The following RBFOX1 variants were observed in gnomAD, a reference collection of about 807,000 sequenced individuals.
RBFOX1 encodes the protein RNA binding fox-1 homolog 1, also known as RNA binding protein fox-1 homolog 1.
In RBFOX1, 8 loss-of-function variants were observed where a neutral mutation model predicts 57.7. The ratio of observed to expected loss-of-function variants is 0.14; its 90% CI spans 0.08 to 0.25. The LOEUF (loss-of-function observed/expected upper bound fraction) is 0.25. Among genes scored for constraint, RBFOX1 ranks in the 10% least tolerant of loss-of-function variants. The pLI, the probability that RBFOX1 is intolerant of heterozygous loss-of-function variation, is 1.00. For missense variants in RBFOX1, 611 were observed against 548.5 expected (o/e 1.11, Z -1.14); for synonymous variants, 326 against 222.4 (o/e 1.47, Z -4.15).
intron 4 of RBFOX1, among the ~76,000 whole-genome samples, chr16:5,921,958 C>G (rs2058832647): frequency 6.6e-6 from 1 of 150,912 alleles, no homozygotes; most frequent in African/African-American, 2.4e-5. Context: ...TTGCGACTAG[C>G]ATGAGCAACA....
intron 1 of RBFOX1, among the ~76,000 whole-genome samples, chr16:6,152,526 C>G (rs910528369): frequency 1.3e-5 from 2 of 152,172 alleles, no homozygotes; most frequent in African/African-American, 4.8e-5. Flanking sequence ...AATTTAGAGG[C>G]CCCACTGGAG....
At chr16:5,273,771 G>C (rs1353913824) in intron 1 of RBFOX1, among the ~76,000 whole-genome samples, 1 of 152,144 alleles carries the variant, frequency 6.6e-6, no homozygotes, top group Non-Finnish European at 1.5e-5. Flanking sequence ...GCCCAAAAAA[G>C]GCTGATGGAT....
intron 3 of RBFOX1, among the ~76,000 whole-genome samples, chr16:6,947,742 C>G (rs932126078): frequency 1.4e-4 from 21 of 152,126 alleles, no homozygotes; most frequent in African/African-American, 1.4e-4. Context: ...AGGTGGCTTT[C>G]TTTTTTAGCT....
intron 3 of RBFOX1, among the ~76,000 whole-genome samples, chr16:6,847,907 G>C (rs1269559248): frequency 6.6e-6 from 1 of 151,882 alleles, no homozygotes; most frequent in Non-Finnish European, 1.5e-5. Context: ...GCACAATCTT[G>C]GCTCACTGCA....
In RBFOX1 at chr16:7,666,086, T is replaced by G. The variant is rs767555003; in HGVS notation, c.930+1118T>G. Reference sequence around the variant, plus strand: ...CAATTTTCTTCTTTTTTGTGGAACTTAAGCTTTTCTGTCTCATGTCCTCTT... The same window carrying G: ...CAATTTTCTTCTTTTTTGTGGAACTGAAGCTTTTCTGTCTCATGTCCTCTT... On this transcript the variant is annotated intron_variant, in intron 13 of 15. Coordinates refer to ENST00000550418, the MANE Select transcript of RBFOX1 (RefSeq NM_018723.4). Among the ~76,000 whole-genome samples, 7 of 152,314 alleles carry G rather than the reference T, an allele frequency of 4.6e-5. 1 individual carries two copies. The highest frequency in any genetic ancestry group is 3.4e-3 in the Middle Eastern group (1 of 294).
In RBFOX1 at chr16:7,557,527, G is replaced by A. The variant is rs184471917; in HGVS notation, c.271-22250G>A. Among the ~76,000 whole-genome samples the A allele has an allele frequency of 2.0e-5, 3 of 148,936 alleles. No individual in the cohort carries two copies. The Admixed American group carries it at 2.0e-4, about 10-fold the overall frequency. ...CCCACCTACTCGAGAGGCTGAGGCAGGAGAGTCACTTGAACCTGGGAGGCA... is the reference window on the plus strand; with the variant it reads ...CCCACCTACTCGAGAGGCTGAGGCAAGAGAGTCACTTGAACCTGGGAGGCA... On this transcript the variant is annotated intron_variant, in intron 5 of 15. Coordinates refer to ENST00000550418, the MANE Select transcript of RBFOX1 (RefSeq NM_018723.4).
intron 4 of RBFOX1, among the ~76,000 whole-genome samples, chr16:7,352,668 C>G (rs1184546678): frequency 1.3e-5 from 2 of 152,070 alleles, no homozygotes; most frequent in African/African-American, 4.8e-5. Flanking sequence ...GAAGGATGCA[C>G]TCTTGTCCTG....
At chr16:6,868,064 G>C (rs1408609080) in intron 3 of RBFOX1, among the ~76,000 whole-genome samples, 2 of 152,142 alleles carry the variant, frequency 1.3e-5, no homozygotes, top group Non-Finnish European at 2.9e-5. Context: ...TAATGTTTTT[G>C]CCGTATGGGT....
chr16:7,363,295 A>C (rs1358226268), intron 4 of RBFOX1, among the ~76,000 whole-genome samples: 1 of 152,104 alleles, frequency 6.6e-6, no homozygotes, highest in Non-Finnish European at 1.5e-5. Flanking sequence ...CTGTTGAGAA[A>C]TCCTGTCTCC....
At chr16:7,368,141 C>G (rs1245803050) in intron 4 of RBFOX1, among the ~76,000 whole-genome samples, 2 of 151,960 alleles carry the variant, frequency 1.3e-5, no homozygotes, top group Non-Finnish European at 2.9e-5. Flanking sequence ...GTGGCACACA[C>G]CAGTAGTCCC....
intron 4 of RBFOX1, among the ~76,000 whole-genome samples, chr16:7,255,121 C>T (rs947400711): frequency 2.6e-5 from 4 of 151,978 alleles, no homozygotes; most frequent in Admixed American, 6.6e-5. Context: ...CAAAAATAAC[C>T]CCATCTCCGA....
intron 3 of RBFOX1, among the ~76,000 whole-genome samples, chr16:5,772,979 G>T (rs932349839): frequency 5.9e-5 from 9 of 152,314 alleles, no homozygotes; most frequent in South Asian, 2.1e-4. Context: ...AGCATACCTG[G>T]TGTGTTCCAG....
chr16:6,924,886 G>A (rs1215938677), intron 3 of RBFOX1, among the ~76,000 whole-genome samples: 2 of 133,686 alleles, frequency 1.5e-5, no homozygotes, highest in Admixed American at 8.9e-5. Context: ...CCCTTCCTGT[G>A]TCCATGTGTT....
intron 1 of RBFOX1, among the ~76,000 whole-genome samples, chr16:5,244,779 G>A (rs1464730814): frequency 6.6e-6 from 1 of 152,252 alleles, no homozygotes; most frequent in Non-Finnish European, 1.5e-5. Context: ...GCGCAGGTTG[G>A]TGGACGGTCC....
chr16:5,376,104 G>A (rs977398143), intron 1 of RBFOX1, among the ~76,000 whole-genome samples: 3 of 151,696 alleles, frequency 2.0e-5, no homozygotes, highest in African/African-American at 7.3e-5. Flanking sequence ...GGAGGCAGAG[G>A]TTGCAGTGAG....
chr16:5,708,645 A>G (rs1033693091), intron 3 of RBFOX1, among the ~76,000 whole-genome samples: 1 of 152,122 alleles, frequency 6.6e-6, no homozygotes, highest in Admixed American at 6.5e-5. Context: ...TCCCCCTAAT[A>G]TACAAACAGA....
At chr16:6,237,321 G>C (rs1198098555) in intron 1 of RBFOX1, among the ~76,000 whole-genome samples, 1 of 152,234 alleles carries the variant, frequency 6.6e-6, no homozygotes, top group Non-Finnish European at 1.5e-5. Flanking sequence ...TGTGGAAGAA[G>C]TTTGAGAGGC....
intron 3 of RBFOX1, among the ~76,000 whole-genome samples, chr16:6,948,099 C>T (rs2079928932): frequency 6.6e-6 from 1 of 152,022 alleles, no homozygotes; most frequent in South Asian, 2.1e-4. Flanking sequence ...TCATTTTCTT[C>T]TGCGGTTTGA....
chr16:7,518,394 G>A lies in RBFOX1; in HGVS notation c.270+5G>A. ...ACCGTCTCTGGCACCGCCACAGTAAGTGGACGTGTTTGCTACGGGTGGGAG... is the reference window on the plus strand; with the variant it reads ...ACCGTCTCTGGCACCGCCACAGTAAATGGACGTGTTTGCTACGGGTGGGAG... On this transcript the variant is annotated splice_donor_5th_base_variant and intron_variant, in intron 5 of 15. Coordinates refer to ENST00000550418, the MANE Select transcript of RBFOX1 (RefSeq NM_018723.4). 3 of 1,605,816 alleles carry A rather than the reference G, an allele frequency of 1.9e-6. No individual in the cohort carries two copies. The highest frequency in any genetic ancestry group is 2.6e-6 in the Non-Finnish European group (3 of 1,174,318).
Sources: gnomAD v4.1 joint callset for allele counts (sites outside exome capture counted in the v4.1 genomes callset) on GRCh38, gnomAD v4.1.1 for gene constraint, MANE v1.5 for transcripts, NCBI Gene and HGNC (gene_info 2026-07-23, HGNC 2026-07-21) for gene names.